Variants in PCDH11Y observed in about 807,000 individuals in gnomAD.
The protein encoded by PCDH11Y is protocadherin-11 Y-linked.
For missense variants in PCDH11Y, 12 were observed against 224.8 expected (o/e 0.05, Z 6.05); for synonymous variants, 9 against 83.6 (o/e 0.11, Z 4.87).
intron 2 of PCDH11Y, among the ~76,000 whole-genome samples, chrY:5,414,899 G>T: frequency 3.1e-5 from 1 of 32,133 alleles, no homozygotes; most frequent in African/African-American, 1.2e-4. Flanking sequence ...GAGCAGCTGG[G>T]ATTACAGGTG....
chrY:5,342,973 G>A, intron 2 of PCDH11Y, among the ~76,000 whole-genome samples: 1 of 29,166 alleles, frequency 3.4e-5, no homozygotes, highest in Non-Finnish European at 8.1e-5. Context: ...GAAGAGGGTG[G>A]AATATATATA....
intron 2 of PCDH11Y, among the ~76,000 whole-genome samples, chrY:5,172,850 GA>G (rs369965977): frequency 1.0e-3 from 28 of 27,983 alleles, no homozygotes; most frequent in South Asian, 7.9e-4. Flanking sequence ...GATATAGAGG[GA>G]AAAAAAAAAC....
chrY:5,006,229 C>A, intron 1 of PCDH11Y, among the ~76,000 whole-genome samples: 1 of 26,661 alleles, frequency 3.8e-5, no homozygotes, highest in East Asian at 1.0e-3. Context: ...CTCCTCCCCC[C>A]CTCCTCCTTT....
intron 2 of PCDH11Y, among the ~76,000 whole-genome samples, chrY:5,173,224 T>C: frequency 3.0e-5 from 1 of 33,636 alleles, no homozygotes; most frequent in Admixed American, 2.8e-4. Context: ...TTTAACGATT[T>C]TATATTTATA....
At chrY:5,105,380 A>G, downstream of PCDH11Y, 1 of 211,312 alleles carries the variant, frequency 4.7e-6, no homozygotes, top group African/African-American at 8.8e-5. Context: ...TAATCCCAGC[A>G]CTTTGGGAGG....
intron 1 of PCDH11Y, among the ~76,000 whole-genome samples, chrY:5,012,211 T>C: frequency 3.1e-5 from 1 of 32,406 alleles, no homozygotes; most frequent in Non-Finnish European, 7.5e-5. Flanking sequence ...AACAGTTTTC[T>C]GTATTGGTCT....
At chrY:5,482,001 T>C (rs1602931918) in intron 2 of PCDH11Y, among the ~76,000 whole-genome samples, 21 of 22,983 alleles carry the variant, frequency 9.1e-4, no homozygotes, top group South Asian at 4.5e-3. Context: ...TTTTTCTTTT[T>C]TTTTTTTTTT....
chrY:5,001,584 T>C, intron 1 of PCDH11Y, among the ~76,000 whole-genome samples: 1 of 34,288 alleles, frequency 2.9e-5, no homozygotes, highest in Non-Finnish European at 7.3e-5. Flanking sequence ...CTCTTTTTTT[T>C]TTCGAGGAAA....
chrY:5,488,105 G>A, intron 2 of PCDH11Y, among the ~76,000 whole-genome samples: 1 of 32,886 alleles, frequency 3.0e-5, no homozygotes, highest in Admixed American at 2.8e-4. Flanking sequence ...TCAACAATAG[G>A]GCTAACTTAA....
intron 4 of PCDH11Y, among the ~76,000 whole-genome samples, chrY:5,643,169 G>A: frequency 1.9e-4 from 6 of 31,520 alleles, no homozygotes; most frequent in Admixed American, 1.5e-3. Context: ...TTCAATTAAG[G>A]TGAGTTCTTT....
intron 2 of PCDH11Y, among the ~76,000 whole-genome samples, chrY:5,157,860 A>AT (rs2052871049): frequency 3.1e-5 from 1 of 32,211 alleles, no homozygotes; most frequent in South Asian, 7.0e-4. Flanking sequence ...TAGTCTTAAC[A>AT]TTTTTCCCCC....
chrY:5,392,297 G>A (rs2053222115), intron 2 of PCDH11Y, among the ~76,000 whole-genome samples: 3 of 28,096 alleles, frequency 1.1e-4, no homozygotes, highest in Non-Finnish European at 2.5e-4. Context: ...ATGAACCTGG[G>A]AGGCGGAGCT....
chrY:5,020,565 G>T, intron 1 of PCDH11Y, among the ~76,000 whole-genome samples: 1 of 33,302 alleles, frequency 3.0e-5, no homozygotes, highest in Non-Finnish European at 7.4e-5. Flanking sequence ...TTTCCTGGTT[G>T]TGAAATAAAA....
At chrY:5,634,083 G>A (rs568704243) in intron 4 of PCDH11Y, among the ~76,000 whole-genome samples, 1,489 of 27,939 alleles carry the variant, frequency 0.053, no homozygotes, top group South Asian at 0.27. Context: ...GCGTCGTGGC[G>A]GGCGCCTGTA....
intron 3 of PCDH11Y, among the ~76,000 whole-genome samples, chrY:5,038,489 T>C: frequency 3.2e-5 from 1 of 31,430 alleles, no homozygotes; most frequent in Non-Finnish European, 7.7e-5. Flanking sequence ...CCCAATATAC[T>C]AAAGATTATC....
chrY:5,208,262 T>A (rs2124650668), intron 2 of PCDH11Y, among the ~76,000 whole-genome samples: 1 of 33,074 alleles, frequency 3.0e-5, no homozygotes, highest in South Asian at 6.7e-4. Flanking sequence ...TCATCTCCCA[T>A]CAGTTCCCTC....
At chrY:5,185,366 A>G (rs2052905193) in intron 2 of PCDH11Y, among the ~76,000 whole-genome samples, 1 of 33,004 alleles carries the variant, frequency 3.0e-5, no homozygotes, top group African/African-American at 1.2e-4. Flanking sequence ...GGCATGAGCC[A>G]CCACACCTGG....
chrY:5,331,075 T>A, intron 2 of PCDH11Y, among the ~76,000 whole-genome samples: 1 of 33,651 alleles, frequency 3.0e-5, no homozygotes, highest in Non-Finnish European at 7.3e-5. Flanking sequence ...TTTTACTAAG[T>A]TTTTGATATC....
chrY:5,164,093 T>C, intron 2 of PCDH11Y, among the ~76,000 whole-genome samples: 1 of 34,044 alleles, frequency 2.9e-5, no homozygotes, highest in Non-Finnish European at 7.4e-5. Flanking sequence ...GGGCCATGGC[T>C]GAGTCATGGC....
Sources: allele counts gnomAD v4.1 joint callset (sites outside exome capture counted in the v4.1 genomes callset), GRCh38; gene constraint gnomAD v4.1.1; transcripts MANE v1.5; gene names NCBI Gene and HGNC (gene_info 2026-07-23, HGNC 2026-07-21).